The following SLC41A2 variants were observed in gnomAD, a reference collection of about 807,000 sequenced individuals.
SLC41A2 encodes the protein solute carrier family 41 member 2.
In SLC41A2, 32 loss-of-function variants were observed where a neutral mutation model predicts 58.3. That is an observed-to-expected ratio of 0.55 (90% CI 0.41 to 0.74). The LOEUF is 0.74. Among genes scored for constraint, SLC41A2 ranks in the 30% least tolerant of loss-of-function variants. The pLI is 0.00. For synonymous variants in SLC41A2, 190 were observed against 235.0 expected (o/e 0.81, Z 1.75); for missense variants, 514 against 680.6 (o/e 0.76, Z 2.72).
chr12:104,884,864 G>C (rs541615412), intron 6 of SLC41A2, among the ~76,000 whole-genome samples: 1 of 152,202 alleles, frequency 6.6e-6, no homozygotes, highest in East Asian at 1.9e-4. Context: ...GAGTTTAATA[G>C]AGTAGGACAA....
chr12:104,895,399 C>T, intron 3 of SLC41A2, 54 bp from the exon 4 acceptor site: 2 of 1,297,078 alleles, frequency 1.5e-6, no homozygotes, highest in South Asian at 1.2e-5. Flanking sequence ...ATGTTCTCTG[C>T]TGTGTTCAAA....
rs776601652 is a variant in SLC41A2 at position 104,928,084 on chromosome 12, G to C, written c.444C>G (p.Thr148=). ...DGDEDAIVEV[T]PKLPKESSGI... ...CACTGGATTCCTTTGGTAATTTTGG[G>C]GTCACTTCTACAATAGCATCTTCAT... is the stretch of plus-strand genomic sequence containing the variant. The change falls in exon 2 of 11, where the codon ACC becomes ACG. Residue 148 remains threonine (T), a synonymous_variant. Coordinates refer to ENST00000258538, the MANE Select transcript of SLC41A2 (RefSeq NM_001352171.3). 1.2e-6 allele frequency: 2 copies of C among 1,614,048 alleles called. No homozygotes were observed. The highest frequency in any genetic ancestry group is 1.7e-6 in the Non-Finnish European group (2 of 1,180,004).
chr12:104,932,770 CATAAAT>C (rs1391891733), intron 1 of SLC41A2, among the ~76,000 whole-genome samples: 2 of 150,398 alleles, frequency 1.3e-5, no homozygotes, highest in African/African-American at 4.9e-5. Flanking sequence ...CACATAAAAA[CATAAAT>C]TGGGAAAAGG....
intron 1 of SLC41A2, among the ~76,000 whole-genome samples, chr12:104,942,153 A>G (rs1393665733): frequency 6.6e-6 from 1 of 152,134 alleles, no homozygotes. Context: ...TTATTTTTAA[A>G]AAACCACCAA....
intron 3 of SLC41A2, among the ~76,000 whole-genome samples, chr12:104,902,047 G>A (rs1044670829): frequency 1.3e-5 from 2 of 151,984 alleles, no homozygotes; most frequent in Non-Finnish European, 2.9e-5. Flanking sequence ...GCCTTCTATA[G>A]CTATAATTAT....
chr12:104,807,677 T>A (rs1188732757), intron 10 of SLC41A2, among the ~76,000 whole-genome samples: 1 of 152,236 alleles, frequency 6.6e-6, no homozygotes, highest in African/African-American at 2.4e-5. Context: ...TTTCATGATA[T>A]TGATTCTTCC....
intron 8 of SLC41A2, among the ~76,000 whole-genome samples, chr12:104,854,423 C>T (rs183106597): frequency 0.023 from 3,563 of 152,116 alleles, 67 homozygotes; most frequent in African/African-American, 0.051. Flanking sequence ...ATTAGCCGGG[C>T]GTGGCGGCGG....
intron 1 of SLC41A2, among the ~76,000 whole-genome samples, chr12:104,929,006 G>A (rs2046956588): frequency 6.6e-6 from 1 of 152,110 alleles, no homozygotes; most frequent in African/African-American, 2.4e-5. Context: ...GTGGACAAAT[G>A]TTTTAAATAA....
chr12:104,874,134 C>T (rs552047730), intron 6 of SLC41A2, among the ~76,000 whole-genome samples: 17 of 145,548 alleles, frequency 1.2e-4, no homozygotes, highest in African/African-American at 3.6e-4. Flanking sequence ...AGTGCAGTGG[C>T]GCAATCTTGG....
chr12:104,881,268 T>C (rs1253244131), intron 6 of SLC41A2, among the ~76,000 whole-genome samples: 1 of 152,206 alleles, frequency 6.6e-6, no homozygotes, highest in Non-Finnish European at 1.5e-5. Context: ...AAAAACCAGC[T>C]CCTGGATTCA....
intron 8 of SLC41A2, among the ~76,000 whole-genome samples, chr12:104,859,179 T>C (rs1484243720): frequency 6.6e-6 from 1 of 152,126 alleles, no homozygotes; most frequent in South Asian, 2.1e-4. Context: ...TGCGCATGTC[T>C]TTGGGAAACA....
chr12:104,914,917 A>C (rs927015566), intron 2 of SLC41A2, among the ~76,000 whole-genome samples: 2 of 152,342 alleles, frequency 1.3e-5, no homozygotes, highest in Middle Eastern at 3.4e-3. Flanking sequence ...ATAATGCAGA[A>C]AATGTCCAGA....
At chr12:104,844,998 T>C (rs1020862077) in intron 9 of SLC41A2, among the ~76,000 whole-genome samples, 7 of 152,006 alleles carry the variant, frequency 4.6e-5, no homozygotes, top group Non-Finnish European at 8.8e-5. Context: ...CAAAGGTCAA[T>C]AATGGCCACG....
intron 5 of SLC41A2, among the ~76,000 whole-genome samples, chr12:104,888,441 C>T (rs1392534514): frequency 6.6e-6 from 1 of 152,016 alleles, no homozygotes; most frequent in African/African-American, 2.4e-5. Flanking sequence ...TAAGCTAATT[C>T]TCTAGTGTAA....
chr12:104,924,756 A>G (rs2046762310), intron 2 of SLC41A2, among the ~76,000 whole-genome samples: 1 of 152,046 alleles, frequency 6.6e-6, no homozygotes, highest in Non-Finnish European at 1.5e-5. Flanking sequence ...AAAAAAAAAA[A>G]GAGTCTGGAA....
intron 10 of SLC41A2, among the ~76,000 whole-genome samples, chr12:104,841,749 TTTCC>T (rs2042417887): frequency 6.6e-6 from 1 of 152,100 alleles, no homozygotes; most frequent in Non-Finnish European, 1.5e-5. Context: ...TTCAAATAGA[TTTCC>T]TTCATTTAGT....
At chr12:104,883,634 G>T (rs936688916) in intron 6 of SLC41A2, among the ~76,000 whole-genome samples, 1 of 152,262 alleles carries the variant, frequency 6.6e-6, no homozygotes, top group East Asian at 1.9e-4. Flanking sequence ...TGTTTTCCTG[G>T]GTATCACCAG....
At chr12:104,845,751 A>C in intron 9 of SLC41A2, 92 bp downstream of exon 9, 2 of 1,344,118 alleles carry the variant, frequency 1.5e-6, no homozygotes, top group Non-Finnish European at 2.0e-6. Flanking sequence ...AGCAACTTTC[A>C]CAAAACACAT....
intron 7 of SLC41A2, among the ~76,000 whole-genome samples, chr12:104,862,624 T>G (rs909475553): frequency 3.3e-5 from 5 of 152,222 alleles, no homozygotes; most frequent in Non-Finnish European, 7.4e-5. Context: ...TGCTGTTATA[T>G]AGGCTTCTAG....
Sources: allele counts gnomAD v4.1 joint callset (sites outside exome capture counted in the v4.1 genomes callset), GRCh38; gene constraint gnomAD v4.1.1; transcripts MANE v1.5; gene names NCBI Gene and HGNC (gene_info 2026-07-23, HGNC 2026-07-21).